Variants in PCLAF observed in about 807,000 individuals in gnomAD.
PCLAF encodes PCNA-associated factor.
A neutral mutation model predicts 15.1 loss-of-function variants in PCLAF; 12 were observed. The ratio of observed to expected loss-of-function variants is 0.79; its 90% CI spans 0.51 to 1.29. The LOEUF (loss-of-function observed/expected upper bound fraction) is 1.29, where lower values mean the gene tolerates loss of function less well. PCLAF is among the 50% of genes most tolerant of loss of function. The pLI is 0.00. For missense variants in PCLAF, 116 were observed against 130.9 expected, an observed-to-expected ratio of 0.89 and a Z score of 0.56; for synonymous variants, 33 against 47.1, an observed-to-expected ratio of 0.70 and a Z score of 1.22.
intron 3 of PCLAF, among the ~76,000 whole-genome samples, chr15:64,370,748 T>G (rs1346189937): frequency 6.6e-6 from 1 of 151,694 alleles, no homozygotes; most frequent in East Asian, 1.9e-4. Context: ...AGTCCACTTA[T>G]GCTTAGGCCC....
intron 3 of PCLAF, among the ~76,000 whole-genome samples, chr15:64,371,903 A>G (rs925039327): frequency 6.0e-5 from 9 of 150,754 alleles, no homozygotes; most frequent in African/African-American, 2.2e-4. Flanking sequence ...GGCCCAGATC[A>G]ACTTTTTTTA....
Position 64,381,020 on chromosome 15 carries a change from G to A in PCLAF, c.65C>T (p.Pro22Leu), listed in dbSNP as rs773069483. Residue 22 changes from proline (P) to leucine (L), a missense_variant, in exon 2 of 4, where the codon CCC becomes CTC. By Grantham distance (98) the Pro-to-Leu change is moderately conservative (BLOSUM62 -3). Coordinates refer to ENST00000300035, the MANE Select transcript of PCLAF (RefSeq NM_014736.6). ...TYRKVVAARA[P>L]RKVLGSSTSA... ...GGTGGAAGAACCAAGCACCTTTCTG[G>A]GGGCTCGAGCAGCCACCACTGTGAA... 36 of 1,613,974 alleles carry A rather than the reference G, an allele frequency of 2.2e-5. No homozygotes were observed. In the East Asian group the frequency reaches 7.6e-4, roughly 34 times the overall value.
At chr15:64,375,136 T>G (rs1279500044) in intron 3 of PCLAF, among the ~76,000 whole-genome samples, 1 of 152,156 alleles carries the variant, frequency 6.6e-6, no homozygotes, top group Non-Finnish European at 1.5e-5. Flanking sequence ...TTTACTTGAT[T>G]TTTTTTGAGA....
intron 3 of PCLAF, among the ~76,000 whole-genome samples, chr15:64,372,934 G>A (rs534518542): frequency 4.3e-4 from 65 of 151,930 alleles, no homozygotes; most frequent in African/African-American, 1.5e-3. Context: ...ACCACTGCAC[G>A]CCAGCCTGGG....
chr15:64,387,602 G>A, exon 1 of PCLAF: 1 of 1,384,146 alleles, frequency 7.2e-7, no homozygotes. Context: ...ATTGCCAATG[G>A]CCTTCCTCGA....
chr15:64,371,660 G>A (rs918177121), intron 3 of PCLAF, among the ~76,000 whole-genome samples: 2 of 152,116 alleles, frequency 1.3e-5, no homozygotes, highest in African/African-American at 2.4e-5. Context: ...CAGGAGTGCA[G>A]TGGCGCAATC....
upstream of PCLAF, chr15:64,382,836 T>A: frequency 3.5e-6 from 1 of 283,176 alleles, no homozygotes; most frequent in South Asian, 3.1e-5. Context: ...AAATAAAAAA[T>A]AAAAAATTAG....
rs1899008500 is a variant in PCLAF, at chr15:64,365,838, CTAAGT to C, written c.*187_*191del. 6.8e-6 allele frequency: 4 copies of C among 590,476 alleles called. No individual in the cohort carries two copies. Among genetic ancestry groups the C allele is most frequent in the Non-Finnish European group, 1.2e-5 (4 of 336,972 alleles). 36.6% of individuals were successfully genotyped at this position (590,476 alleles called of 1,614,324 possible). On this transcript the variant is annotated 3_prime_UTR_variant, in exon 4 of 4. Transcript: ENST00000300035. ...ACAATGCATTATATTGAATACTAAG[CTAAGT>C]TACCATAATTAGTCTTACAAATTCT...
chr15:64,381,374 T>C lies in PCLAF; in HGVS notation c.-3A>G, dbSNP rs1899814800. On this transcript the variant is annotated 5_prime_UTR_variant, in exon 1 of 4. Coordinates refer to ENST00000300035, the MANE Select transcript of PCLAF (RefSeq NM_014736.6). ...CTGTCTGCTTTAGTCCGCACCATGT[T>C]CAAACAAGAAGAGAGGAGAGGAGAG... 3.1e-6 allele frequency: 5 copies of C among 1,614,086 alleles called. No homozygotes were observed. Among genetic ancestry groups the C allele is most frequent in the Non-Finnish European group, 4.2e-6 (5 of 1,179,984 alleles).
At chr15:64,380,874 A>G (rs1474726762) in intron 2 of PCLAF, 84 bp downstream of exon 2, 2 of 1,169,904 alleles carry the variant, frequency 1.7e-6, no homozygotes, top group Non-Finnish European at 2.5e-6. Context: ...GGGCGTGAGT[A>G]CCTCAAGAAA....
At chr15:64,373,816 T>G in intron 3 of PCLAF, 2 of 1,518,624 alleles carry the variant, frequency 1.3e-6, no homozygotes, top group Non-Finnish European at 1.8e-6. Context: ...GGCATCATAA[T>G]GGCAGTGACA....
intron 3 of PCLAF, among the ~76,000 whole-genome samples, chr15:64,368,095 A>C (rs1899122242): frequency 6.6e-6 from 1 of 151,654 alleles, no homozygotes; most frequent in South Asian, 2.1e-4. Context: ...TAATCCCAGC[A>C]CTTTGGGAGG....
upstream of PCLAF, among the ~76,000 whole-genome samples, chr15:64,385,240 AATTAT>A (rs1899911077): frequency 6.6e-6 from 1 of 152,136 alleles, no homozygotes; most frequent in Non-Finnish European, 1.5e-5. Context: ...TGACATACTA[AATTAT>A]ATTATATGAA....
At chr15:64,374,661 G>A (rs535696339) in intron 3 of PCLAF, among the ~76,000 whole-genome samples, 8 of 152,134 alleles carry the variant, frequency 5.3e-5, no homozygotes, top group African/African-American at 1.4e-4. Context: ...CCTAGGCAAC[G>A]TGGCAAAACC....
At chr15:64,376,221 T>A (rs1899597096) in intron 3 of PCLAF, among the ~76,000 whole-genome samples, 1 of 151,624 alleles carries the variant, frequency 6.6e-6, no homozygotes, top group African/African-American at 2.4e-5. Flanking sequence ...CAAGACTCCG[T>A]CTCAGGAAAA....
intron 1 of PCLAF, 66 bp from the exon 2 acceptor site, chr15:64,381,104 C>T: frequency 1.3e-6 from 2 of 1,493,808 alleles, no homozygotes; most frequent in Non-Finnish European, 1.9e-6. Flanking sequence ...AGTCCTGGAC[C>T]CCAGCAGCTT....
upstream of PCLAF, among the ~76,000 whole-genome samples, chr15:64,386,424 G>C (rs1162922177): frequency 6.6e-6 from 1 of 152,128 alleles, no homozygotes; most frequent in Non-Finnish European, 1.5e-5. Context: ...AGGCCCAAGT[G>C]ATCCTCCCAC....
rs1899017137 is a variant in PCLAF, at chr15:64,366,086, AAG to A, written c.291-13_291-12del. 1 of 1,604,222 alleles carries A rather than the reference AAG, an allele frequency of 6.2e-7. No homozygotes were observed. The highest frequency in any genetic ancestry group is 1.3e-5 in the African/African-American group (1 of 74,652). On this transcript the variant is annotated splice_polypyrimidine_tract_variant and intron_variant, in intron 3 of 3. Coordinates refer to ENST00000300035, the MANE Select transcript of PCLAF (RefSeq NM_014736.6). ...TGCAAAGGACATGCTCTGTGAAAAG[AAG>A]AGAGAACATCAATAGCCATCCAAGT...
chr15:64,379,603 G>A (rs1339384073), intron 2 of PCLAF, among the ~76,000 whole-genome samples: 4 of 152,114 alleles, frequency 2.6e-5, no homozygotes, highest in Non-Finnish European at 4.4e-5. Flanking sequence ...AATAGTAAAT[G>A]TTTTCTAATG....
Sources: gnomAD v4.1 joint callset for allele counts (sites outside exome capture counted in the v4.1 genomes callset) on GRCh38, gnomAD v4.1.1 for gene constraint, MANE v1.5 for transcripts, NCBI Gene and HGNC (gene_info 2026-07-23, HGNC 2026-07-21) for gene names.